Variants in PWWP2A observed in about 807,000 individuals in gnomAD.
PWWP2A encodes PWWP domain-containing protein 2A.
In PWWP2A, 18 loss-of-function variants were observed where a neutral mutation model predicts 48.5. The ratio of observed to expected loss-of-function variants is 0.37; its 90% CI spans 0.26 to 0.55. The LOEUF (loss-of-function observed/expected upper bound fraction) is 0.55. Ranked by LOEUF, PWWP2A falls within the 20% of genes least tolerant of loss-of-function variation. The pLI, the probability that PWWP2A is intolerant of heterozygous loss-of-function variation, is 0.81. For missense variants in PWWP2A, 867 were observed against 976.4 expected, an observed-to-expected ratio of 0.89 and a Z score of 1.49; for synonymous variants, 396 against 387.7, an observed-to-expected ratio of 1.02 and a Z score of -0.25.
intron 1 of PWWP2A, chr5:160,116,688 C>A (rs1337382679): frequency 1.0e-6 from 1 of 984,972 alleles, no homozygotes; most frequent in East Asian, 1.1e-4. Flanking sequence ...AAACAACTTA[C>A]CTTCTGCACC....
downstream of PWWP2A, among the ~76,000 whole-genome samples, chr5:160,060,598 G>A (rs1753340054): frequency 6.6e-6 from 1 of 152,196 alleles, no homozygotes; most frequent in Non-Finnish European, 1.5e-5. Flanking sequence ...GACAGCCAGT[G>A]GAAAGTGTGG....
chr5:160,082,367 C>T (rs1251680607), intron 2 of PWWP2A, among the ~76,000 whole-genome samples: 2 of 151,612 alleles, frequency 1.3e-5, no homozygotes, highest in East Asian at 1.9e-4. Flanking sequence ...TGGCGTGAAC[C>T]CGGGAGGCGG....
At chr5:160,106,490 T>TGTAG (rs201245056) in intron 1 of PWWP2A, among the ~76,000 whole-genome samples, 1,949 of 152,132 alleles carry the variant, frequency 0.013, 47 homozygotes, top group African/African-American at 0.045. Flanking sequence ...CTTCTTAGAT[T>TGTAG]AAATATGCAG....
exon 3 of PWWP2A, chr5:160,080,718 G>A: frequency 1.9e-6 from 3 of 1,574,906 alleles, no homozygotes; most frequent in Non-Finnish European, 2.6e-6. Flanking sequence ...GACACTGTAA[G>A]GGAGCAGCAG....
rs1755192243 is a variant in PWWP2A at position 160,092,580 on chromosome 5, C to T, written c.2070G>A (p.Glu690=). The part of the protein sequence containing the change: ...RKDNGLLVRQ[E]ARISWFGSPT... ...GAGACCCAAACCATGAAATACGGGC[C>T]TCCTGTCGGACTAAAAGGCCGTTAT... Residue 690 remains glutamate, a synonymous_variant, in exon 2 of 2, where the codon GAG becomes GAA. Coordinates refer to ENST00000307063, the MANE Select transcript of PWWP2A (RefSeq NM_001130864.2). 4.5e-6 allele frequency: 7 copies of T among 1,551,628 alleles called. No homozygotes were observed. The East Asian group carries it at 1.7e-4, about 38-fold the overall frequency.
In PWWP2A at chr5:160,092,034, A is replaced by G. The variant is rs942266356; in HGVS notation, c.*348T>C. On this transcript the variant is annotated 3_prime_UTR_variant, in exon 2 of 2. Transcript: ENST00000307063. ...CACGGATATATATATATACACACAC[A>G]CACACGTATATATATGTATATATAC... The G allele has an allele frequency of 7.2e-6, 4 of 553,984 alleles. No individual in the cohort carries two copies. The Admixed American group carries it at 1.8e-4, about 24-fold the overall frequency. The allele number at this position is 553,984 out of a possible 1,614,324, so 34.3% of individuals were successfully genotyped here.
At chr5:160,072,999 C>T (rs1205823408), downstream of PWWP2A, among the ~76,000 whole-genome samples, 3 of 82,234 alleles carry the variant, frequency 3.6e-5, no homozygotes, top group South Asian at 4.9e-4. Flanking sequence ...AGCGAGGCTC[C>T]GTCTCAAAAA....
At chr5:160,091,013 G>C (rs1338570726), downstream of PWWP2A, 2 of 985,072 alleles carry the variant, frequency 2.0e-6, no homozygotes, top group South Asian at 9.4e-5. Flanking sequence ...GAGACCGGTT[G>C]TAATTACCCG....
At chr5:160,064,850 C>A in intron 4 of PWWP2A, 1 of 1,409,212 alleles carries the variant, frequency 7.1e-7, no homozygotes, top group South Asian at 1.3e-5. Flanking sequence ...ATTTTGTACT[C>A]AGTGGTAAGG....
the PWWP2A span, among the ~76,000 whole-genome samples, chr5:160,046,131 A>G: frequency 6.6e-6 from 1 of 152,164 alleles, no homozygotes; most frequent in African/African-American, 2.4e-5. Context: ...CATTGAAATA[A>G]TTGTCTATAC....
chr5:160,045,511 CACAT>C, the PWWP2A span, among the ~76,000 whole-genome samples: 1,123 of 62,596 alleles, frequency 0.018, 9 homozygotes, highest in Non-Finnish European at 0.021. Flanking sequence ...CACACACACA[CACAT>C]ACACACTCTC....
chr5:160,078,296 G>A lies in PWWP2A; in HGVS notation c.1670-128C>T, dbSNP rs533092864. On this transcript the variant is annotated intron_variant, in intron 3 of 3. Coordinates refer to the PWWP2A transcript ENST00000456329. The surrounding 1 kb of genome is among the most constrained non-coding windows in gnomAD (Gnocchi z 4.2). ...CACACCTGATTTTTTCTTTTAAATC[G>A]GTTAAACCTGACCGATGTTGTTTTG... is the stretch of plus-strand genomic sequence containing the variant. 4.3e-5 allele frequency: 31 copies of A among 715,546 alleles called. No homozygotes were observed. Among genetic ancestry groups the A allele is most frequent in the Middle Eastern group, 3.0e-4 (1 of 3,356 alleles). 44.3% of individuals were successfully genotyped at this position (715,546 alleles called of 1,614,324 possible). A position where few individuals can be genotyped will look rare whatever the true frequency, so the allele number is the denominator to read the frequency against.
At chr5:160,090,465 T>C (rs1004333972), downstream of PWWP2A, 17 of 982,158 alleles carry the variant, frequency 1.7e-5, no homozygotes, top group African/African-American at 1.7e-4. Flanking sequence ...TCAACCACAC[T>C]GTGAATTTCA....
the PWWP2A span, among the ~76,000 whole-genome samples, chr5:160,056,641 T>G: frequency 6.6e-6 from 1 of 152,190 alleles, no homozygotes; most frequent in Non-Finnish European, 1.5e-5. Flanking sequence ...GAGGATTGCT[T>G]GAGCCCAGGA....
downstream of PWWP2A, among the ~76,000 whole-genome samples, chr5:160,086,738 T>G (rs1754676356): frequency 6.6e-6 from 1 of 152,138 alleles, no homozygotes; most frequent in Non-Finnish European, 1.5e-5. Context: ...TGCCTCAGCC[T>G]CTGGAGTAGC....
At chr5:160,118,738 G>A in intron 1 of PWWP2A, 67 bp downstream of exon 1, 1 of 1,337,020 alleles carries the variant, frequency 7.5e-7, no homozygotes, top group Non-Finnish European at 9.6e-7. Context: ...GGGAGAGGGG[G>A]CCGCCCGGGC....
chr5:160,091,654 C>A lies in PWWP2A; in HGVS notation c.*728G>T. On this transcript the variant is annotated 3_prime_UTR_variant, in exon 2 of 2. Coordinates refer to ENST00000307063, the MANE Select transcript of PWWP2A (RefSeq NM_001130864.2). Reference sequence around the variant, plus strand: ...ATCAAACCTATCTAAACTCCCAAACCAGAAGCTTGAAAGTATTTATTAAAT... The same window carrying A: ...ATCAAACCTATCTAAACTCCCAAACAAGAAGCTTGAAAGTATTTATTAAAT... 1.0e-6 allele frequency: 1 copy of A among 985,108 alleles called. No individual in the cohort carries two copies. Among genetic ancestry groups the A allele is most frequent in the Non-Finnish European group, 1.2e-6 (1 of 829,820 alleles). The allele number at this position is 985,108 out of a possible 1,614,324, so 61.0% of individuals were successfully genotyped here. A position where few individuals can be genotyped will look rare whatever the true frequency, so the allele number is the denominator to read the frequency against.
rs59262456 is a variant in PWWP2A at position 160,066,296 on chromosome 5, A to ATTTTTTTT, written c.*236+244_*236+251dup. 2.5e-4 allele frequency among the ~76,000 whole-genome samples: 24 copies of ATTTTTTTT among 94,754 alleles called. 2 individuals carry two copies. Among genetic ancestry groups the ATTTTTTTT allele is most frequent in the African/African-American group, 6.5e-4 (16 of 24,568 alleles). 62.2% of individuals were successfully genotyped at this position (94,754 alleles called of 152,430 possible). On this transcript the variant is annotated intron_variant and NMD_transcript_variant, in intron 4 of 5. Transcript: ENST00000524050. ...AGCATTATGCTAGAAAGTGGTTCTC[A>ATTTTTTTT]TTTTTTTTTTTTTTTTTTTGAGGGG...
chr5:160,094,583 GCT>G (rs1265855141), intron 1 of PWWP2A, among the ~76,000 whole-genome samples: 2 of 152,124 alleles, frequency 1.3e-5, no homozygotes, highest in South Asian at 2.1e-4. Flanking sequence ...AAAGAAAGTT[GCT>G]CTTTTACTCT....
Sources: allele counts gnomAD v4.1 joint callset (sites outside exome capture counted in the v4.1 genomes callset), GRCh38; gene constraint gnomAD v4.1.1; non-coding constraint Gnocchi (gnomAD v3.1); transcripts MANE v1.5; gene names NCBI Gene and HGNC (gene_info 2026-07-23, HGNC 2026-07-21).